MCTS2: variants seen among roughly 807,000 people sequenced by gnomAD.
The protein encoded by MCTS2 is MCTS family member 2.
At chr20:31,547,544 G>T in the MCTS2 span, 8 of 903,878 alleles carry the variant, frequency 8.9e-6, no homozygotes, top group African/African-American at 1.7e-5. Context: ...GTGTCCAACT[G>T]CATCCAGTTG....
At chr20:31,547,540 A>G in the MCTS2 span, 1 of 877,890 alleles carries the variant, frequency 1.1e-6, no homozygotes, top group Non-Finnish European at 1.8e-6. Context: ...AAGTGTGTCC[A>G]ACTGCATCCA....
At chr20:31,547,570 A>G in the MCTS2 span, 1 of 1,222,082 alleles carries the variant, frequency 8.2e-7, no homozygotes, top group Admixed American at 2.3e-5. Context: ...GTCAGTTATT[A>G]AGGGCATTAA....
At chr20:31,547,965 T>A in the MCTS2 span, 5 of 1,529,594 alleles carry the variant, frequency 3.3e-6, no homozygotes, top group South Asian at 5.6e-5. Flanking sequence ...CTGCAGAAGA[T>A]ATTGAGAAAG....
chr20:31,547,599 A>G, the MCTS2 span: 1 of 1,563,944 alleles, frequency 6.4e-7, no homozygotes, highest in South Asian at 1.2e-5. Flanking sequence ...TGGTAGAGCA[A>G]TTTCCAGGTA....
the MCTS2 span, chr20:31,548,054 CAGAA>C: frequency 1.9e-6 from 3 of 1,552,998 alleles, no homozygotes; most frequent in Non-Finnish European, 2.7e-6. Context: ...AAATGAGCCT[CAGAA>C]GGAATGCATT....
the MCTS2 span, chr20:31,547,811 A>G: frequency 4.2e-6 from 4 of 954,382 alleles, no homozygotes; most frequent in East Asian, 2.4e-5. Context: ...GGAGCTATCA[A>G]ATTTGTACTC....
chr20:31,547,890 T>TA, the MCTS2 span: 107 of 1,044,780 alleles, frequency 1.0e-4, no homozygotes, highest in Non-Finnish European at 1.5e-4. Context: ...CTGCAGTAGA[T>TA]ACGATTGTAG....
At chr20:31,547,616 C>T in the MCTS2 span, 1 of 1,576,798 alleles carries the variant, frequency 6.3e-7, no homozygotes, top group Non-Finnish European at 8.6e-7. Flanking sequence ...GGTATTGAAC[C>T]ATGGCTTAAT....
the MCTS2 span, chr20:31,547,747 C>CT: frequency 2.0e-6 from 2 of 1,018,550 alleles, no homozygotes; most frequent in African/African-American, 1.6e-5. Flanking sequence ...TTGTCCAACT[C>CT]TAAGGTTGCT....
At chr20:31,547,769 CT>C in the MCTS2 span, 4 of 962,316 alleles carry the variant, frequency 4.2e-6, no homozygotes, top group Non-Finnish European at 6.7e-6. Flanking sequence ...CACAAATACC[CT>C]TTTATCCTGC....
the MCTS2 span, chr20:31,547,719 A>G: frequency 1.9e-5 from 23 of 1,220,780 alleles, no homozygotes; most frequent in African/African-American, 3.4e-4. Flanking sequence ...TGTTTTTTAG[A>G]CAAAGAAAGG....
chr20:31,547,395 A>G, the MCTS2 span: 2 of 431,292 alleles, frequency 4.6e-6, no homozygotes, highest in East Asian at 9.8e-5. Flanking sequence ...AACGGCTCTG[A>G]CCGTCTGGCA....
the MCTS2 span, chr20:31,547,793 T>C: frequency 2.1e-6 from 2 of 949,730 alleles, no homozygotes; most frequent in East Asian, 4.8e-5. Flanking sequence ...CACCAGCAGG[T>C]TGATAAAGGA....
At chr20:31,547,567 A>AT in the MCTS2 span, 1 of 1,188,222 alleles carries the variant, frequency 8.4e-7, no homozygotes, top group Non-Finnish European at 1.2e-6. Flanking sequence ...AACGTCAGTT[A>AT]TTAAGGGCAT....
chr20:31,547,568 T>C, the MCTS2 span: 1 of 1,201,482 alleles, frequency 8.3e-7, no homozygotes, highest in Middle Eastern at 2.1e-4. Flanking sequence ...ACGTCAGTTA[T>C]TAAGGGCATT....
chr20:31,547,812 AT>A, the MCTS2 span: 1 of 953,520 alleles, frequency 1.0e-6, no homozygotes, highest in Non-Finnish European at 1.7e-6. Context: ...GAGCTATCAA[AT>A]TTGTACTCAG....
the MCTS2 span, chr20:31,547,571 AG>A: frequency 8.1e-7 from 1 of 1,234,382 alleles, no homozygotes; most frequent in Non-Finnish European, 1.2e-6. Flanking sequence ...TCAGTTATTA[AG>A]GGCATTAAGA....
the MCTS2 span, chr20:31,547,580 A>G: frequency 1.4e-6 from 2 of 1,440,364 alleles, no homozygotes; most frequent in Non-Finnish European, 1.9e-6. Context: ...AAGGGCATTA[A>G]GAGCCAACTG....
At chr20:31,548,045 A>C in the MCTS2 span, 2 of 1,570,670 alleles carry the variant, frequency 1.3e-6, no homozygotes, top group Non-Finnish European at 1.8e-6. Flanking sequence ...AAGACATATA[A>C]ATGAGCCTCA....
Sources: gnomAD v4.1 joint callset for allele counts on GRCh38, gnomAD v4.1.1 for gene constraint, MANE v1.5 for transcripts, NCBI Gene and HGNC (gene_info 2026-07-23, HGNC 2026-07-21) for gene names.